Variants in SLC35F4 observed in about 807,000 individuals in gnomAD.
SLC35F4 encodes solute carrier family 35 member F4.
In SLC35F4, 24 loss-of-function variants were observed where a neutral mutation model predicts 44.2. That is an observed-to-expected ratio of 0.54 (90% confidence interval 0.39 to 0.76). The LOEUF is 0.76. SLC35F4 is among the 30% of genes least tolerant of loss of function. The probability of loss-of-function intolerance (pLI) is 0.00; values close to 1 mark genes in which losing one functional copy is unlikely to be tolerated. For synonymous variants in SLC35F4, 238 were observed against 223.6 expected, an observed-to-expected ratio of 1.06 and a Z score of -0.57; for missense variants, 562 against 586.1, an observed-to-expected ratio of 0.96 and a Z score of 0.42.
Position 57,566,475 on chromosome 14 carries a change from C to T in SLC35F4, c.1216G>A (p.Ala406Thr). Residue 406 changes from alanine to threonine, a missense_variant and splice_region_variant, in exon 7 of 8, where the codon GCT (alanine) becomes ACT (threonine). Physicochemically the swap from Ala to Thr is moderately conservative, Grantham distance 58 (BLOSUM62 0). Transcript: ENST00000556826. The part of the protein sequence containing the change: ...GTVLSVPGNA[A>T]VDLLKQEVIF... ...TGCACATGTCACATGGTGCCTGTACCTGCATTTCCAGGAACGCTGAGCACT... is the reference window on the plus strand; with the variant it reads ...TGCACATGTCACATGGTGCCTGTACTTGCATTTCCAGGAACGCTGAGCACT... 1 of 1,587,650 alleles carries T rather than the reference C, an allele frequency of 6.3e-7. No homozygotes were observed. The highest frequency in any genetic ancestry group is 8.6e-7 in the Non-Finnish European group (1 of 1,166,760).
At chr14:57,760,855 G>A (rs1443876456) in intron 1 of SLC35F4, among the ~76,000 whole-genome samples, 2 of 152,114 alleles carry the variant, frequency 1.3e-5, no homozygotes, top group African/African-American at 4.8e-5. Context: ...AGGGCGCTGG[G>A]TAGTTTCCTC....
At chr14:57,729,240 G>C (rs992278443) in intron 1 of SLC35F4, among the ~76,000 whole-genome samples, 1 of 152,128 alleles carries the variant, frequency 6.6e-6, no homozygotes, top group Non-Finnish European at 1.5e-5. Flanking sequence ...CACTGTGGCT[G>C]AGCTGGTATT....
chr14:57,906,697 T>C (rs1889109160), intron 1 of SLC35F4, among the ~76,000 whole-genome samples: 2 of 152,246 alleles, frequency 1.3e-5, no homozygotes, highest in Non-Finnish European at 2.9e-5. Flanking sequence ...ATTGGATATC[T>C]ATGGCTAACA....
chr14:57,618,653 C>T (rs1434176795), intron 1 of SLC35F4, among the ~76,000 whole-genome samples: 1 of 152,164 alleles, frequency 6.6e-6, no homozygotes. Context: ...GTTTTTTATT[C>T]ATACCCCAGG....
intron 1 of SLC35F4, among the ~76,000 whole-genome samples, chr14:57,742,028 G>T (rs1222561966): frequency 1.3e-5 from 2 of 152,150 alleles, no homozygotes; most frequent in African/African-American, 4.8e-5. Context: ...AATGCTGAGA[G>T]ATTTTGTCAC....
intron 1 of SLC35F4, among the ~76,000 whole-genome samples, chr14:57,726,399 A>C (rs1241147206): frequency 6.6e-6 from 1 of 152,222 alleles, no homozygotes; most frequent in Admixed American, 6.5e-5. Context: ...CTATGACCAC[A>C]TGACCAGCTG....
chr14:57,950,968 A>T (rs1314457305), intron 1 of SLC35F4, among the ~76,000 whole-genome samples: 1 of 152,106 alleles, frequency 6.6e-6, no homozygotes, highest in East Asian at 1.9e-4. Flanking sequence ...CCCGGCCTGG[A>T]TAGACTGTTT....
At chr14:57,824,287 C>G (rs1883486146) in intron 1 of SLC35F4, among the ~76,000 whole-genome samples, 1 of 152,118 alleles carries the variant, frequency 6.6e-6, no homozygotes. Flanking sequence ...TCGACAAATG[C>G]TAACTGAGCA....
intron 1 of SLC35F4, among the ~76,000 whole-genome samples, chr14:57,817,059 A>C (rs1467682241): frequency 1.2e-4 from 19 of 152,174 alleles, no homozygotes; most frequent in Admixed American, 6.6e-5. Flanking sequence ...CTCTGGAACT[A>C]GTGACTCACC....
intron 1 of SLC35F4, among the ~76,000 whole-genome samples, chr14:57,810,839 A>G (rs1881882267): frequency 6.6e-6 from 1 of 152,226 alleles, no homozygotes; most frequent in Non-Finnish European, 1.5e-5. Context: ...TTCAGACTAT[A>G]CACACCTGGA....
intron 1 of SLC35F4, among the ~76,000 whole-genome samples, chr14:57,755,448 G>A (rs987704239): frequency 1.3e-5 from 2 of 152,144 alleles, no homozygotes; most frequent in African/African-American, 2.4e-5. Context: ...TCAATGTGGG[G>A]TTGACAACTG....
chr14:57,939,635 CCAATAGCGACT>C (rs1889879859), intron 1 of SLC35F4, among the ~76,000 whole-genome samples: 1 of 152,182 alleles, frequency 6.6e-6, no homozygotes, highest in Admixed American at 6.5e-5. Flanking sequence ...GCATTTCTAT[CCAATAGCGACT>C]CAATACTATC....
chr14:57,910,176 A>C (rs912048018), intron 1 of SLC35F4, among the ~76,000 whole-genome samples: 4 of 152,032 alleles, frequency 2.6e-5, no homozygotes, highest in African/African-American at 9.7e-5. Context: ...AGTTTTAAGA[A>C]TCCTTTGTAT....
At chr14:57,743,250 T>C (rs4453388) in intron 1 of SLC35F4, among the ~76,000 whole-genome samples, 50,671 of 151,780 alleles carry the variant, frequency 0.33, 8,602 homozygotes, top group African/African-American at 0.41. Flanking sequence ...AATAGAGACA[T>C]AAAAAAACCC....
chr14:57,714,396 G>A (rs1481462697), intron 1 of SLC35F4, among the ~76,000 whole-genome samples: 2 of 152,148 alleles, frequency 1.3e-5, no homozygotes, highest in East Asian at 3.9e-4. Context: ...TTTTTCCATT[G>A]AGAGTCTTAA....
At chr14:57,648,695 G>C (rs947951678) in intron 1 of SLC35F4, among the ~76,000 whole-genome samples, 1 of 152,186 alleles carries the variant, frequency 6.6e-6, no homozygotes, top group Non-Finnish European at 1.5e-5. Flanking sequence ...CTTTTAAGAA[G>C]TGTGTACAAA....
chr14:57,975,502 G>T (rs1452444341), downstream of SLC35F4, among the ~76,000 whole-genome samples: 1 of 152,180 alleles, frequency 6.6e-6, no homozygotes, highest in Non-Finnish European at 1.5e-5. Flanking sequence ...CTGCTGGATT[G>T]GTTCATTGCA....
At chr14:57,668,685 C>G (rs139353432) in intron 1 of SLC35F4, among the ~76,000 whole-genome samples, 1 of 151,874 alleles carries the variant, frequency 6.6e-6, no homozygotes, top group Admixed American at 6.6e-5. Flanking sequence ...GTTCCATTGG[C>G]CTATATCTCT....
intron 1 of SLC35F4, among the ~76,000 whole-genome samples, chr14:57,886,361 A>T (rs758601341): frequency 2.0e-5 from 3 of 152,170 alleles, no homozygotes; most frequent in African/African-American, 7.2e-5. Context: ...CTGGAGAAGA[A>T]TCTGCTTCCA....
Sources: gnomAD v4.1 joint callset for allele counts (sites outside exome capture counted in the v4.1 genomes callset) on GRCh38, gnomAD v4.1.1 for gene constraint, MANE v1.5 for transcripts, NCBI Gene and HGNC (gene_info 2026-07-23, HGNC 2026-07-21) for gene names.